PTPRM: variants seen among roughly 807,000 people sequenced by gnomAD.
PTPRM encodes the protein protein tyrosine phosphatase receptor type M.
In PTPRM, 47 loss-of-function variants were observed where a neutral mutation model predicts 186.7. That is an observed-to-expected ratio of 0.25 (90% CI 0.20 to 0.32). The LOEUF (loss-of-function observed/expected upper bound fraction) is 0.32, where lower values mean the gene tolerates loss of function less well. Among genes scored for constraint, PTPRM ranks in the 10% least tolerant of loss-of-function variants. The pLI is 1.00. For synonymous variants in PTPRM, 668 were observed against 674.9 expected (o/e 0.99, Z 0.16); for missense variants, 1,494 against 1,865.0 (o/e 0.80, Z 3.66).
chr18:8,094,680 TTAA>T (rs1297125710), intron 11 of PTPRM, among the ~76,000 whole-genome samples: 18 of 152,176 alleles, frequency 1.2e-4, no homozygotes, highest in African/African-American at 4.3e-4. Flanking sequence ...ACTGAATCCA[TTAA>T]TAATTAATAC....
chr18:8,343,338 T>A, intron 22 of PTPRM, 85 bp from the exon 23 acceptor site: 1 of 1,115,806 alleles, frequency 9.0e-7, no homozygotes, highest in South Asian at 1.4e-5. Flanking sequence ...CATGTGGGTA[T>A]TAATAGATGT....
At chr18:7,895,682 C>T (rs539935000) in intron 3 of PTPRM, among the ~76,000 whole-genome samples, 10 of 152,332 alleles carry the variant, frequency 6.6e-5, no homozygotes, top group African/African-American at 1.7e-4. Flanking sequence ...TTTCTCACTT[C>T]GCTTTGGCTA....
intron 2 of PTPRM, among the ~76,000 whole-genome samples, chr18:7,865,247 G>A (rs149678839): frequency 0.059 from 9,003 of 152,226 alleles, 275 homozygotes; most frequent in Middle Eastern, 0.12. Flanking sequence ...GAATGGGAGT[G>A]GTGAGAGAGG....
At chr18:7,905,910 CA>C (rs2146547642) in intron 3 of PTPRM, among the ~76,000 whole-genome samples, 1 of 152,290 alleles carries the variant, frequency 6.6e-6, no homozygotes, top group South Asian at 2.1e-4. Context: ...TCACCTAAAG[CA>C]ATCTGAATCT....
At position 7,899,610 on chromosome 18, in the gene PTPRM, T is replaced by G. The variant is rs147635216; in HGVS notation, c.469-6895T>G. On this transcript the variant is annotated intron_variant, in intron 3 of 32. Transcript: ENST00000580170. ...GCAAAAACATTTTTCCTAAAAATGT[T>G]TGTTTCAGTAAAAACAACAAACAAA... Among the ~76,000 whole-genome samples the G allele has an allele frequency of 3.6e-3, 549 of 152,264 alleles. 3 individuals carry two copies. The highest frequency in any genetic ancestry group is 0.013 in the African/African-American group (532 of 41,548).
chr18:7,937,966 C>G (rs911886599), intron 5 of PTPRM, among the ~76,000 whole-genome samples: 2 of 152,140 alleles, frequency 1.3e-5, no homozygotes, highest in African/African-American at 4.8e-5. Flanking sequence ...GGTGTGATGA[C>G]ATATTCTAGG....
At chr18:8,159,480 T>G (rs1433739598) in intron 14 of PTPRM, among the ~76,000 whole-genome samples, 1 of 152,096 alleles carries the variant, frequency 6.6e-6, no homozygotes, top group Admixed American at 6.5e-5. Flanking sequence ...AAAACAAAAT[T>G]TGACAAAACT....
At chr18:7,967,733 A>AAG (rs2147263824) in intron 7 of PTPRM, among the ~76,000 whole-genome samples, 1 of 128,506 alleles carries the variant, frequency 7.8e-6, no homozygotes, top group South Asian at 2.9e-4. Context: ...GAATGAAATG[A>AAG]AGCGAGAAGG....
chr18:7,892,851 G>T (rs2049150560), intron 3 of PTPRM, among the ~76,000 whole-genome samples: 2 of 152,184 alleles, frequency 1.3e-5, no homozygotes, highest in African/African-American at 2.4e-5. Context: ...GGTCAGGGAA[G>T]CAAGAGCTCT....
intron 1 of PTPRM, among the ~76,000 whole-genome samples, chr18:7,648,839 G>A (rs917737195): frequency 6.6e-6 from 1 of 152,192 alleles, no homozygotes; most frequent in Non-Finnish European, 1.5e-5. Context: ...TGCAGATGCA[G>A]CCTGTTATCC....
chr18:8,121,178 G>GTT (rs1268809517), intron 13 of PTPRM, among the ~76,000 whole-genome samples: 3 of 152,140 alleles, frequency 2.0e-5, no homozygotes, highest in Admixed American at 2.0e-4. Flanking sequence ...TTTTAACTCA[G>GTT]TTGCTGCAGT....
rs139192720 is a variant in PTPRM at position 8,273,495 on chromosome 18, A to G, written c.2754+20081A>G. On this transcript the variant is annotated intron_variant, in intron 19 of 32. Coordinates refer to ENST00000580170, the MANE Select transcript of PTPRM (RefSeq NM_001105244.2). ...TGCTACTGCCCTGGGCTCATCATTCATCTTCTCTTTTGTCACTGACCCAAA... is the reference window on the plus strand; with the variant it reads ...TGCTACTGCCCTGGGCTCATCATTCGTCTTCTCTTTTGTCACTGACCCAAA... Among the ~76,000 whole-genome samples the G allele has an allele frequency of 7.4e-3, 1,125 of 152,134 alleles. 8 individuals carry two copies. The highest frequency in any genetic ancestry group is 0.026 in the African/African-American group (1,067 of 41,484).
At position 8,296,469 on chromosome 18, in the gene PTPRM, G is replaced by T; in HGVS notation, c.2842+14G>T. On this transcript the variant is annotated intron_variant, in intron 20 of 32. Transcript: ENST00000580170. ...ATATCATTGCATGTAAGTGTCAACA[G>T]TGTCATTGTGCTGTTGTAGAACTTC... is the stretch of plus-strand genomic sequence containing the variant. 1 of 1,565,258 alleles carries T rather than the reference G, an allele frequency of 6.4e-7. No individual in the cohort carries two copies.
At chr18:8,375,967 A>G in intron 24 of PTPRM, 79 bp from the exon 25 acceptor site, 1 of 1,462,864 alleles carries the variant, frequency 6.8e-7, no homozygotes, top group Non-Finnish European at 9.4e-7. Flanking sequence ...GACTGTTTCC[A>G]CTCCCCCAGC....
chr18:8,150,452 G>C (rs531830171), intron 14 of PTPRM, among the ~76,000 whole-genome samples: 1 of 151,808 alleles, frequency 6.6e-6, no homozygotes, highest in African/African-American at 2.4e-5. Flanking sequence ...ATTGATACTT[G>C]TGTATGCTTC....
intron 7 of PTPRM, among the ~76,000 whole-genome samples, chr18:7,989,001 T>C (rs1432103099): frequency 6.6e-6 from 1 of 152,184 alleles, no homozygotes; most frequent in Non-Finnish European, 1.5e-5. Context: ...CAAATAACTA[T>C]TGCTAAGGTT....
At chr18:8,253,197 C>T (rs769646290) in intron 18 of PTPRM, 30 bp from the exon 19 acceptor site, 3 of 1,366,384 alleles carry the variant, frequency 2.2e-6, no homozygotes, top group Non-Finnish European at 2.9e-6. Flanking sequence ...CTGGCTCTCC[C>T]TCATTTTCTC....
chr18:8,249,822 A>G (rs75695328), intron 17 of PTPRM, among the ~76,000 whole-genome samples: 3,639 of 152,330 alleles, frequency 0.024, 61 homozygotes, highest in East Asian at 0.06. Flanking sequence ...CAATTCAAGT[A>G]GCAAAAATGA....
chr18:7,891,314 G>C (rs1360357953), intron 3 of PTPRM, among the ~76,000 whole-genome samples: 1 of 150,896 alleles, frequency 6.6e-6, no homozygotes, highest in East Asian at 2.0e-4. Context: ...AAGGAAAAAA[G>C]AAAGCAGAAT....
Sources: gnomAD v4.1 joint callset for allele counts (sites outside exome capture counted in the v4.1 genomes callset) on GRCh38, gnomAD v4.1.1 for gene constraint, MANE v1.5 for transcripts, NCBI Gene and HGNC (gene_info 2026-07-23, HGNC 2026-07-21) for gene names.